Variants in ALLC observed in about 807,000 individuals in gnomAD.
ALLC encodes the protein allantoicase.
A neutral mutation model predicts 45.0 loss-of-function variants in ALLC; 40 were observed. The observed-to-expected ratio is 0.89, with a 90% CI of 0.69 to 1.16. The LOEUF is 1.16. ALLC is among the 50% of genes most tolerant of loss of function. ALLC has a pLI of 0.00. For missense variants in ALLC, 488 were observed against 493.1 expected, an observed-to-expected ratio of 0.99 and a Z score of 0.10; for synonymous variants, 176 against 178.1, an observed-to-expected ratio of 0.99 and a Z score of 0.09.
At chr2:3,684,154 T>G (rs1469040303) in intron 7 of ALLC, among the ~76,000 whole-genome samples, 1 of 152,224 alleles carries the variant, frequency 6.6e-6, no homozygotes, top group Non-Finnish European at 1.5e-5. Flanking sequence ...TTTAACTGTT[T>G]GAAGAATTAC....
intron 1 of ALLC, among the ~76,000 whole-genome samples, chr2:3,662,778 A>T (rs1043269786): frequency 6.6e-6 from 1 of 152,194 alleles, no homozygotes; most frequent in African/African-American, 2.4e-5. Context: ...CTGGTATGAA[A>T]TCCAAATTTC....
intron 2 of ALLC, among the ~76,000 whole-genome samples, chr2:3,672,293 C>A (rs1408079138): frequency 9.0e-6 from 1 of 110,524 alleles, no homozygotes; most frequent in Non-Finnish European, 1.9e-5. Flanking sequence ...GGTCCTCTGG[C>A]TCTGGTTAGA....
the ALLC span, among the ~76,000 whole-genome samples, chr2:3,649,703 C>T: frequency 0.043 from 6,592 of 152,356 alleles, 441 homozygotes; most frequent in African/African-American, 0.15. Context: ...GGCTCCAGCC[C>T]TGGAGAGGAC....
At chr2:3,647,818 G>A in the ALLC span, among the ~76,000 whole-genome samples, 2 of 152,128 alleles carry the variant, frequency 1.3e-5, no homozygotes, top group Non-Finnish European at 1.5e-5. Flanking sequence ...GGACACTAGC[G>A]TTGTCTCAGC....
At chr2:3,687,610 C>T (rs1269731073) in intron 7 of ALLC, among the ~76,000 whole-genome samples, 2 of 150,836 alleles carry the variant, frequency 1.3e-5, no homozygotes, top group Non-Finnish European at 3.0e-5. Context: ...CAGCTTTTAT[C>T]TCATCATTCA....
rs1487831360 is a variant in ALLC, at chr2:3,679,891, G to C, written c.195G>C (p.Arg65Ser). 1.2e-6 allele frequency: 2 copies of C among 1,613,832 alleles called. No homozygotes were observed. Among genetic ancestry groups the C allele is most frequent in the African/African-American group, 1.3e-5 (1 of 74,916 alleles). ...RIPGHDWCVL[R>S]LGIQGVIRGF... ...CAGGTCACGACTGGTGTGTCCTCAG[G>C]CTGGGGATCCAAGGAGTCATCCGGG... is the stretch of plus-strand genomic sequence containing the variant. The change falls in exon 5 of 12, where the codon AGG (arginine) becomes AGC (serine). Residue 65 changes from arginine (R) to serine (S), a missense_variant. By Grantham distance (110) the Arg-to-Ser change is moderately radical. Transcript: ENST00000252505.
At chr2:3,669,607 C>T (rs1268213813) in intron 1 of ALLC, among the ~76,000 whole-genome samples, 2 of 152,156 alleles carry the variant, frequency 1.3e-5, no homozygotes, top group Non-Finnish European at 2.9e-5. Flanking sequence ...GAGATTGCGC[C>T]GCTGCACTCC....
chr2:3,682,820 C>T (rs1423339105), intron 6 of ALLC, 122 bp from the exon 7 acceptor site: 20 of 1,064,302 alleles, frequency 1.9e-5, no homozygotes, highest in South Asian at 4.7e-5. Context: ...CCACCGTGCC[C>T]GGCATCCATC....
the ALLC span, among the ~76,000 whole-genome samples, chr2:3,650,368 G>A: frequency 6.6e-6 from 1 of 152,200 alleles, no homozygotes; most frequent in African/African-American, 2.4e-5. Context: ...CCGGCCACCG[G>A]GCTGATGGCC....
intron 10 of ALLC, among the ~76,000 whole-genome samples, chr2:3,699,125 C>T (rs575925813): frequency 1.3e-5 from 2 of 152,244 alleles, no homozygotes; most frequent in Admixed American, 6.5e-5. Context: ...TATTTTATCA[C>T]GTAGGTATCA....
the ALLC span, among the ~76,000 whole-genome samples, chr2:3,649,663 G>A: frequency 1.3e-5 from 2 of 152,216 alleles, no homozygotes; most frequent in Non-Finnish European, 1.5e-5. Context: ...GGTGGCCCAC[G>A]CCTGACCTGG....
In ALLC at chr2:3,697,526, G is replaced by C. The variant is rs532842365; in HGVS notation, c.850+70G>C. 7.5e-5 allele frequency: 96 copies of C among 1,286,738 alleles called. No homozygotes were observed. In the African/African-American group the frequency reaches 1.3e-3, roughly 17 times the overall value. The allele number at this position is 1,286,738 out of a possible 1,614,324, so 79.7% of individuals were successfully genotyped here. A position where few individuals can be genotyped will look rare whatever the true frequency, so the allele number is the denominator to read the frequency against. ...ATTCTAAAGACTGAGTTCTATGGAAGTGGGACTGAGGACACTGGACTTTCG... is the reference window on the plus strand; with the variant it reads ...ATTCTAAAGACTGAGTTCTATGGAACTGGGACTGAGGACACTGGACTTTCG... On this transcript the variant is annotated intron_variant, in intron 10 of 11. Transcript: ENST00000252505.
At position 3,696,328 on chromosome 2, in the gene ALLC, G is replaced by T. The variant is rs762868301; in HGVS notation, c.721G>T (p.Asp241Tyr). 42 of 1,613,246 alleles carry T rather than the reference G, an allele frequency of 2.6e-5. No individual in the cohort carries two copies. The East Asian group carries it at 9.1e-4, about 35-fold the overall frequency. ...ADGWETARRL[D>Y]RPPILENDEN... ...TGGTTGGGAAACTGCAAGAAGGCTG[G>T]ACCGGCCACCAATATTAGAAGTAAG... is the stretch of plus-strand genomic sequence containing the variant. The change falls in exon 9 of 12, where the codon GAC (aspartate) becomes TAC (tyrosine). Residue 241 changes from aspartate to tyrosine, a missense_variant. Coordinates refer to ENST00000252505, the MANE Select transcript of ALLC (RefSeq NM_018436.4).
chr2:3,650,171 G>A, the ALLC span, among the ~76,000 whole-genome samples: 2 of 152,220 alleles, frequency 1.3e-5, no homozygotes, highest in Non-Finnish European at 1.5e-5. Flanking sequence ...AGAGGGCAGC[G>A]CTGGCTGAGA....
At chr2:3,683,469 C>T (rs1370503201) in intron 7 of ALLC, among the ~76,000 whole-genome samples, 3 of 152,180 alleles carry the variant, frequency 2.0e-5, no homozygotes, top group Non-Finnish European at 4.4e-5. Context: ...ATAGCATATG[C>T]ATAGACACGT....
chr2:3,681,532 T>A (rs1667178505), intron 5 of ALLC, 102 bp from the exon 6 acceptor site: 1 of 717,458 alleles, frequency 1.4e-6, no homozygotes. Context: ...ATATCTTTAG[T>A]GTTATTTGCA....
intron 7 of ALLC, among the ~76,000 whole-genome samples, chr2:3,690,250 TTCCCTTCCCTTCCCTC>T (rs1667441198): frequency 1.4e-4 from 4 of 28,694 alleles, no homozygotes; most frequent in Non-Finnish European, 1.3e-4. Flanking sequence ...TCCCCTCCCC[TTCCCTTCCCTTCCCTC>T]CCCCCTCCCC....
At chr2:3,645,962 T>C in the ALLC span, among the ~76,000 whole-genome samples, 3 of 152,286 alleles carry the variant, frequency 2.0e-5, no homozygotes, top group East Asian at 3.9e-4. This position sits in a 1 kb window ranked among gnomAD's most constrained non-coding sequence, Gnocchi z 4.3. Flanking sequence ...TTCTAAGTTA[T>C]CTATTCTGGG....
the ALLC span, among the ~76,000 whole-genome samples, chr2:3,651,735 C>T: frequency 6.6e-6 from 1 of 152,016 alleles, no homozygotes; most frequent in African/African-American, 2.4e-5. Flanking sequence ...AGGCGGGAAA[C>T]ATGCCCGGCG....
Sources: allele counts gnomAD v4.1 joint callset (sites outside exome capture counted in the v4.1 genomes callset), GRCh38; gene constraint gnomAD v4.1.1; non-coding constraint Gnocchi (gnomAD v3.1); transcripts MANE v1.5; gene names NCBI Gene and HGNC (gene_info 2026-07-23, HGNC 2026-07-21).